The following NKAIN3 variants were observed in gnomAD, a reference collection of about 807,000 sequenced individuals.
NKAIN3 encodes sodium/potassium transporting ATPase interacting 3.
Under a neutral mutation model 30.2 loss-of-function variants are expected in NKAIN3, and 25 were observed. The observed-to-expected ratio is 0.83, with a 90% CI of 0.60 to 1.16. NKAIN3 has a LOEUF of 1.16. NKAIN3 is among the 50% of genes most tolerant of loss of function. The pLI, the probability that NKAIN3 is intolerant of heterozygous loss-of-function variation, is 0.00. For missense variants in NKAIN3, 225 were observed against 254.1 expected (o/e 0.89, Z 0.78); for synonymous variants, 91 against 89.6 (o/e 1.02, Z -0.09).
intron 1 of NKAIN3, among the ~76,000 whole-genome samples, chr8:62,517,019 C>T (rs1808012758): frequency 6.6e-6 from 1 of 151,254 alleles, no homozygotes; most frequent in Non-Finnish European, 1.5e-5. Flanking sequence ...AAACTATTCT[C>T]TTTTTCACCA....
intron 1 of NKAIN3, among the ~76,000 whole-genome samples, chr8:62,280,126 C>G (rs1813124869): frequency 6.6e-6 from 1 of 151,728 alleles, no homozygotes; most frequent in Admixed American, 6.6e-5. Flanking sequence ...ATTTTATTCT[C>G]TTTGAAGCAA....
intron 1 of NKAIN3, among the ~76,000 whole-genome samples, chr8:62,419,638 T>C (rs1231558788): frequency 1.3e-5 from 2 of 152,174 alleles, no homozygotes; most frequent in East Asian, 1.9e-4. Flanking sequence ...CTAAGTGTAC[T>C]TATGAAATTT....
chr8:62,893,031 T>C (rs1821337698), intron 4 of NKAIN3, among the ~76,000 whole-genome samples: 1 of 152,178 alleles, frequency 6.6e-6, no homozygotes, highest in South Asian at 2.1e-4. Context: ...AATTGTATAA[T>C]TTTTTCACAT....
At chr8:62,261,692 C>T (rs1361655899) in intron 1 of NKAIN3, among the ~76,000 whole-genome samples, 1 of 152,216 alleles carries the variant, frequency 6.6e-6, no homozygotes, top group Admixed American at 6.5e-5. Flanking sequence ...AATATTCTAT[C>T]TTGAAGAAGG....
intron 1 of NKAIN3, among the ~76,000 whole-genome samples, chr8:62,382,239 A>G (rs1325366220): frequency 6.6e-6 from 1 of 152,200 alleles, no homozygotes; most frequent in Non-Finnish European, 1.5e-5. Context: ...TAAGTTAGAG[A>G]AAACAAAATG....
chr8:62,664,028 T>C (rs2130367810), intron 3 of NKAIN3, among the ~76,000 whole-genome samples: 1 of 152,258 alleles, frequency 6.6e-6, no homozygotes, highest in South Asian at 2.1e-4. Context: ...ATCTGGGCCC[T>C]ACCCTGAATA....
At chr8:62,816,852 G>T (rs1316290806) in intron 4 of NKAIN3, among the ~76,000 whole-genome samples, 1 of 152,146 alleles carries the variant, frequency 6.6e-6, no homozygotes, top group Non-Finnish European at 1.5e-5. Flanking sequence ...AAATCCCACA[G>T]AATTTTCTCC....
intron 1 of NKAIN3, among the ~76,000 whole-genome samples, chr8:62,555,128 T>G (rs1809347915): frequency 6.6e-6 from 1 of 150,886 alleles, no homozygotes; most frequent in African/African-American, 2.4e-5. Flanking sequence ...TGAATATGTA[T>G]GCCACAATGT....
intron 1 of NKAIN3, among the ~76,000 whole-genome samples, chr8:62,290,170 C>A (rs1813539758): frequency 6.6e-6 from 1 of 152,188 alleles, no homozygotes. Flanking sequence ...TCTAAATATA[C>A]AATCATGTCA....
chr8:62,543,526 G>T (rs1239341715), intron 1 of NKAIN3, among the ~76,000 whole-genome samples: 1 of 152,158 alleles, frequency 6.6e-6, no homozygotes, highest in Non-Finnish European at 1.5e-5. Flanking sequence ...AAATCACTTT[G>T]CAGAACACCT....
intron 3 of NKAIN3, among the ~76,000 whole-genome samples, chr8:62,594,362 G>C (rs1397115435): frequency 6.6e-6 from 1 of 151,980 alleles, no homozygotes; most frequent in African/African-American, 2.4e-5. Flanking sequence ...TTCCTCATTA[G>C]CCATTCTGCC....
chr8:62,288,365 A>G (rs575555827), intron 1 of NKAIN3, among the ~76,000 whole-genome samples: 1 of 152,140 alleles, frequency 6.6e-6, no homozygotes, highest in Admixed American at 6.6e-5. Flanking sequence ...TACATTAGGT[A>G]TATCTCCTAA....
At chr8:62,463,437 C>G (rs886734662) in intron 1 of NKAIN3, among the ~76,000 whole-genome samples, 1 of 152,132 alleles carries the variant, frequency 6.6e-6, no homozygotes, top group Admixed American at 6.6e-5. Context: ...TAAGTCTTGT[C>G]GTGGAAGCTA....
At position 62,248,938 on chromosome 8, in the gene NKAIN3, C is replaced by G. The variant is rs1811983293; in HGVS notation, c.-136C>G. 1.1e-5 allele frequency: 8 copies of G among 753,064 alleles called. No homozygotes were observed. The South Asian group carries it at 1.6e-4, about 15-fold the overall frequency. The allele number at this position is 753,064 out of a possible 1,614,324, so 46.6% of individuals were successfully genotyped here. On this transcript the variant is annotated 5_prime_UTR_variant, in exon 1 of 7. Transcript: ENST00000623646. ...CAAAGGCGGGCGCGAGCCCCGAGCCCTGGAGCCGCGAGCGGCGGCCGCGGG... is the reference window on the plus strand; with the variant it reads ...CAAAGGCGGGCGCGAGCCCCGAGCCGTGGAGCCGCGAGCGGCGGCCGCGGG...
chr8:62,626,982 C>T (rs1354259847), intron 3 of NKAIN3, among the ~76,000 whole-genome samples: 1 of 152,126 alleles, frequency 6.6e-6, no homozygotes, highest in African/African-American at 2.4e-5. Flanking sequence ...GCACATGCTA[C>T]AGCTCAAAGG....
At chr8:62,684,027 A>G (rs1362051007) in intron 3 of NKAIN3, among the ~76,000 whole-genome samples, 2 of 152,132 alleles carry the variant, frequency 1.3e-5, no homozygotes, top group Non-Finnish European at 1.5e-5. Flanking sequence ...AACTCCCACT[A>G]CAACCTTACC....
chr8:62,496,708 C>T (rs756589691), intron 1 of NKAIN3, among the ~76,000 whole-genome samples: 3 of 152,068 alleles, frequency 2.0e-5, no homozygotes, highest in Non-Finnish European at 4.4e-5. Flanking sequence ...GGGAAAGGTT[C>T]TGAAAGGCTA....
chr8:62,951,284 G>A (rs938250702), intron 5 of NKAIN3, among the ~76,000 whole-genome samples: 3 of 151,940 alleles, frequency 2.0e-5, no homozygotes, highest in Non-Finnish European at 4.4e-5. Flanking sequence ...AGGAGAAGAA[G>A]AATTTCTCAG....
At chr8:62,856,441 C>T in intron 4 of NKAIN3, 1 of 789,306 alleles carries the variant, frequency 1.3e-6, no homozygotes. Flanking sequence ...GGTGATATCT[C>T]TATAGAATAA....
Sources: allele counts gnomAD v4.1 joint callset (sites outside exome capture counted in the v4.1 genomes callset), GRCh38; gene constraint gnomAD v4.1.1; transcripts MANE v1.5; gene names NCBI Gene and HGNC (gene_info 2026-07-23, HGNC 2026-07-21).